AKR1C8: variants seen among roughly 807,000 people sequenced by gnomAD.
The protein encoded by AKR1C8 is aldo-keto reductase family 1 member C-like protein 1.
At chr10:5,160,986 G>A in the AKR1C8 span, 1 of 432,926 alleles carries the variant, frequency 2.3e-6, no homozygotes, top group Non-Finnish European at 4.7e-6. Flanking sequence ...AAGAGTTTCA[G>A]GAGGTGGTGA....
the AKR1C8 span, among the ~76,000 whole-genome samples, chr10:5,177,488 C>T: frequency 4.6e-5 from 7 of 152,136 alleles, no homozygotes; most frequent in Admixed American, 1.3e-4. Flanking sequence ...ATGATGCTGG[C>T]CTCGTAAAAT....
the AKR1C8 span, among the ~76,000 whole-genome samples, chr10:5,171,271 G>C: frequency 1.3e-5 from 2 of 151,950 alleles, no homozygotes; most frequent in Non-Finnish European, 2.9e-5. Context: ...ATTGCTTATG[G>C]ATAACAAAAA....
the AKR1C8 span, among the ~76,000 whole-genome samples, chr10:5,182,770 T>G: frequency 6.6e-6 from 1 of 151,794 alleles, no homozygotes; most frequent in Non-Finnish European, 1.5e-5. Flanking sequence ...ATAAGCTGGG[T>G]GTGGCAGCAT....
At chr10:5,175,664 C>T in the AKR1C8 span, among the ~76,000 whole-genome samples, 2 of 152,142 alleles carry the variant, frequency 1.3e-5, no homozygotes, top group Non-Finnish European at 1.5e-5. Context: ...TAATGATTGC[C>T]ATTCTAACTG....
the AKR1C8 span, chr10:5,123,554 G>T: frequency 1.5e-6 from 1 of 687,554 alleles, no homozygotes; most frequent in Non-Finnish European, 2.4e-6. Flanking sequence ...TGAGGCCCCT[G>T]AATAACAGCA....
chr10:5,174,108 A>G, the AKR1C8 span, among the ~76,000 whole-genome samples: 79,766 of 151,650 alleles, frequency 0.53, 21,983 homozygotes, highest in Non-Finnish European at 0.6. Flanking sequence ...TCTTCCAACT[A>G]TACCTATTTA....
the AKR1C8 span, among the ~76,000 whole-genome samples, chr10:5,183,003 T>A: frequency 6.6e-6 from 1 of 152,114 alleles, no homozygotes; most frequent in African/African-American, 2.4e-5. Flanking sequence ...AGTACTATCC[T>A]ATCATGACTT....
the AKR1C8 span, among the ~76,000 whole-genome samples, chr10:5,136,646 A>T: frequency 6.6e-6 from 1 of 152,334 alleles, no homozygotes; most frequent in South Asian, 2.1e-4. Flanking sequence ...TGTGTTTCAT[A>T]AGTGTACATT....
chr10:5,134,687 T>C, the AKR1C8 span, among the ~76,000 whole-genome samples: 1 of 152,130 alleles, frequency 6.6e-6, no homozygotes, highest in Non-Finnish European at 1.5e-5. Flanking sequence ...TCAGCAATAC[T>C]CTCCCTAAGA....
At chr10:5,162,975 C>T in the AKR1C8 span, 72 of 534,584 alleles carry the variant, frequency 1.3e-4, 1 homozygote, top group South Asian at 7.8e-4. Context: ...CGGAAGCCTA[C>T]GTCAATAGCC....
the AKR1C8 span, among the ~76,000 whole-genome samples, chr10:5,141,029 C>A: frequency 5.1e-4 from 77 of 152,230 alleles, no homozygotes; most frequent in African/African-American, 1.8e-3. Context: ...TGACAGCTTA[C>A]ACAGTGTGGA....
the AKR1C8 span, among the ~76,000 whole-genome samples, chr10:5,180,850 T>C: frequency 6.6e-6 from 1 of 152,198 alleles, no homozygotes; most frequent in African/African-American, 2.4e-5. Flanking sequence ...AAGCGCGGTA[T>C]TAGGGTAGGA....
At chr10:5,125,789 T>C in the AKR1C8 span, among the ~76,000 whole-genome samples, 1 of 152,176 alleles carries the variant, frequency 6.6e-6, no homozygotes, top group African/African-American at 2.4e-5. Flanking sequence ...CTGGTGCTGG[T>C]ACCCACTGCT....
At chr10:5,165,343 G>A in the AKR1C8 span, among the ~76,000 whole-genome samples, 1 of 152,258 alleles carries the variant, frequency 6.6e-6, no homozygotes, top group East Asian at 1.9e-4. Context: ...AAAAAATCTG[G>A]AGTCAGAGTT....
chr10:5,182,592 C>T, the AKR1C8 span, among the ~76,000 whole-genome samples: 2,461 of 152,224 alleles, frequency 0.016, 21 homozygotes, highest in Admixed American at 0.029. Context: ...TCCATCAAAA[C>T]CAATTTAAAA....
the AKR1C8 span, chr10:5,123,530 C>G: frequency 1.7e-6 from 1 of 595,458 alleles, no homozygotes; most frequent in Non-Finnish European, 3.0e-6. Flanking sequence ...CATTCTGCAC[C>G]AGAGCGTCTC....
the AKR1C8 span, among the ~76,000 whole-genome samples, chr10:5,134,022 TTGGA>T: frequency 3.3e-5 from 5 of 152,146 alleles, no homozygotes. Flanking sequence ...TCTACCAAAT[TTGGA>T]TGAAGATTTG....
At chr10:5,132,779 T>G in the AKR1C8 span, 1 of 1,206,194 alleles carries the variant, frequency 8.3e-7, no homozygotes, top group African/African-American at 1.5e-5. Flanking sequence ...CCCGGAGGAG[T>G]AATGAAAAGT....
the AKR1C8 span, among the ~76,000 whole-genome samples, chr10:5,177,477 G>A: frequency 6.6e-6 from 1 of 152,144 alleles, no homozygotes; most frequent in Non-Finnish European, 1.5e-5. Context: ...TTGGTATCAG[G>A]ATGATGCTGG....
Sources: gnomAD v4.1 joint callset for allele counts (sites outside exome capture counted in the v4.1 genomes callset) on GRCh38, gnomAD v4.1.1 for gene constraint, MANE v1.5 for transcripts, NCBI Gene and HGNC (gene_info 2026-07-23, HGNC 2026-07-21) for gene names.